The following SSX2IP variants were observed in gnomAD, a reference collection of about 807,000 sequenced individuals.
SSX2IP encodes afadin- and alpha-actinin-binding protein.
Under a neutral mutation model 84.9 loss-of-function variants are expected in SSX2IP, and 55 were observed. The observed-to-expected ratio is 0.65, with a 90% CI of 0.52 to 0.81. The LOEUF is 0.81. SSX2IP is among the 30% of genes least tolerant of loss of function. SSX2IP has a pLI of 0.00. For synonymous variants in SSX2IP, 239 were observed against 234.7 expected, an observed-to-expected ratio of 1.02 and a Z score of -0.17; for missense variants, 664 against 705.2, an observed-to-expected ratio of 0.94 and a Z score of 0.66.
chr1:84,671,017 A>G (rs536461609), intron 2 of SSX2IP, among the ~76,000 whole-genome samples, 160 bp downstream of exon 2: 16 of 152,308 alleles, frequency 1.1e-4, no homozygotes, highest in Admixed American at 9.8e-4. Context: ...AAAGATACAA[A>G]TACAGTGGTG....
intron 7 of SSX2IP, 24 bp from the exon 8 acceptor site, chr1:84,662,399 A>G: frequency 1.2e-6 from 2 of 1,608,356 alleles, no homozygotes; most frequent in Non-Finnish European, 1.7e-6. Flanking sequence ...TGTCAGTATG[A>G]AAATGCAGGA....
chr1:84,647,521 G>A lies in SSX2IP; in HGVS notation c.1757C>T (p.Ala586Val), dbSNP rs146411258. 44 of 1,612,950 alleles carry A rather than the reference G, an allele frequency of 2.7e-5. No individual in the cohort carries two copies. The African/African-American group carries it at 4.9e-4, about 18-fold the overall frequency. Reference sequence around the variant, plus strand: ...ACCTTCCTGTGATCCAGGTCTTGATGCCACACTCCATTTTTGATTTGTACA... The same window carrying A: ...ACCTTCCTGTGATCCAGGTCTTGATACCACACTCCATTTTTGATTTGTACA... ...GECTNQKWSV[A>V]SRPGSQEGCY... The change falls in exon 14 of 14, where the codon GCA becomes GTA. Residue 586 changes from alanine to valine, a missense_variant. Ala to Val is a moderately conservative substitution (Grantham distance 64). Transcript: ENST00000342203.
intron 10 of SSX2IP, 99 bp from the exon 11 acceptor site, chr1:84,656,104 G>A: frequency 8.7e-7 from 1 of 1,145,372 alleles, no homozygotes; most frequent in Non-Finnish European, 1.2e-6. Context: ...TTCAGGGCAG[G>A]AATAGAAATT....
At position 84,646,756 on chromosome 1, in the gene SSX2IP, T is replaced by C. The variant is rs756407708; in HGVS notation, c.*677A>G. The stretch of plus-strand genomic sequence containing the variant: ...ATCTAAAGAACTCAGCTTCATGGAA[T>C]ACCTTTCAATATTTATTGCCCAGAT... On this transcript the variant is annotated 3_prime_UTR_variant, in exon 14 of 14. Coordinates refer to ENST00000342203, the MANE Select transcript of SSX2IP (RefSeq NM_001166293.2). 2.0e-5 allele frequency: 3 copies of C among 152,592 alleles called. No individual in the cohort carries two copies. The highest frequency in any genetic ancestry group is 4.4e-5 in the Non-Finnish European group (3 of 67,994). 9.5% of individuals were successfully genotyped at this position (152,592 alleles called of 1,614,324 possible).
rs1231544651 is a variant in SSX2IP, at chr1:84,644,029, A to G, written c.*3404T>C. Reference sequence around the variant, plus strand: ...GAGCAATTTCATTATCCTTATCTGCATGGACCAAGTCTTTGGGAATGCTTT... The same window carrying G: ...GAGCAATTTCATTATCCTTATCTGCGTGGACCAAGTCTTTGGGAATGCTTT... On this transcript the variant is annotated 3_prime_UTR_variant, in exon 14 of 14. Transcript: ENST00000342203. The G allele has an allele frequency of 6.6e-6, 1 of 152,220 alleles. No homozygotes were observed. The highest frequency in any genetic ancestry group is 2.4e-5 in the African/African-American group (1 of 41,464). The allele number at this position is 152,220 out of a possible 1,614,324, so 9.4% of individuals were successfully genotyped here. A position where few individuals can be genotyped will look rare whatever the true frequency, so the allele number is the denominator to read the frequency against.
rs1365660445 is a variant in SSX2IP, at chr1:84,647,576, C to T, written c.1702G>A (p.Glu568Lys). 6.2e-7 allele frequency: 1 copy of T among 1,611,088 alleles called. No individual in the cohort carries two copies. Among genetic ancestry groups the T allele is most frequent in the Non-Finnish European group, 8.5e-7 (1 of 1,178,486 alleles). ...SINVLNITAE[E>K]IKPNQVGGEC... ...CCTCCAACCTGATTTGGTTTAATTTCTTCAGCAGTTATATTCAGTACATTG... is the reference window on the plus strand; with the variant it reads ...CCTCCAACCTGATTTGGTTTAATTTTTTCAGCAGTTATATTCAGTACATTG... Residue 568 changes from glutamate to lysine, a missense_variant, in exon 14 of 14, where the codon GAA becomes AAA. Transcript: ENST00000342203.
At chr1:84,663,018 G>A (rs1397578235) in intron 6 of SSX2IP, among the ~76,000 whole-genome samples, 1 of 152,090 alleles carries the variant, frequency 6.6e-6, no homozygotes, top group East Asian at 1.9e-4. Flanking sequence ...CAATGGCAGA[G>A]ATAAGTAGGT....
In SSX2IP at chr1:84,658,211, G is replaced by GTA; in HGVS notation, c.1078+105_1078+106dup. ...CTTGCTTTCAAACCACCAAACTGAA[G>GTA]TATAGTACTTTAGCTCTGAGCCTAT... On this transcript the variant is annotated intron_variant, in intron 9 of 13. Transcript: ENST00000342203. 7 of 1,217,120 alleles carry GTA rather than the reference G, an allele frequency of 5.8e-6. No homozygotes were observed. The South Asian group carries it at 1.1e-4, about 18-fold the overall frequency. The allele number at this position is 1,217,120 out of a possible 1,614,324, so 75.4% of individuals were successfully genotyped here.
chr1:84,678,344 G>A (rs1198140028), intron 1 of SSX2IP, among the ~76,000 whole-genome samples: 1 of 152,088 alleles, frequency 6.6e-6, no homozygotes, highest in African/African-American at 2.4e-5. Flanking sequence ...CAGCCTCTGT[G>A]CCTCCACCTG....
intron 3 of SSX2IP, 73 bp from the exon 4 acceptor site, chr1:84,669,966 G>C (rs576496716): frequency 9.4e-7 from 1 of 1,066,804 alleles, no homozygotes; most frequent in Admixed American, 2.2e-5. Flanking sequence ...CAAACTTTCA[G>C]TTAGATAGGA....
At chr1:84,658,523 T>A in intron 8 of SSX2IP, 55 bp from the exon 9 acceptor site, 2 of 1,548,562 alleles carry the variant, frequency 1.3e-6, no homozygotes, top group Admixed American at 4.0e-5. Flanking sequence ...TGGCTTTAGA[T>A]GCTCAGGCAA....
intron 6 of SSX2IP, among the ~76,000 whole-genome samples, chr1:84,663,575 A>G (rs1652343907): frequency 6.6e-6 from 1 of 152,212 alleles, no homozygotes. Context: ...TCTGCTGCAG[A>G]ATGACAGTGA....
intron 4 of SSX2IP, among the ~76,000 whole-genome samples, chr1:84,669,072 C>G (rs940179271): frequency 4.6e-5 from 7 of 151,620 alleles, no homozygotes; most frequent in Non-Finnish European, 8.8e-5. Context: ...AAAATGAAAA[C>G]ATAAAAGGAA....
intron 11 of SSX2IP, among the ~76,000 whole-genome samples, chr1:84,653,346 C>T (rs938464863): frequency 8.5e-5 from 13 of 152,168 alleles, no homozygotes; most frequent in African/African-American, 3.1e-4. Context: ...GCCACCACCA[C>T]TAAACCACAA....
At chr1:84,684,521 TG>T (rs1272340063) in intron 1 of SSX2IP, among the ~76,000 whole-genome samples, 5 of 152,032 alleles carry the variant, frequency 3.3e-5, no homozygotes, top group African/African-American at 4.8e-5. Context: ...CCTTAGAGGA[TG>T]GGGGGAAACT....
chr1:84,647,636 T>A (rs758846819), intron 13 of SSX2IP, 29 bp from the exon 14 acceptor site: 1 of 1,483,288 alleles, frequency 6.7e-7, no homozygotes, highest in Non-Finnish European at 9.0e-7. Context: ...CAGATCTTAG[T>A]GACTATCCTC....
intron 9 of SSX2IP, among the ~76,000 whole-genome samples, chr1:84,657,694 T>C (rs1651327739): frequency 6.6e-6 from 1 of 152,194 alleles, no homozygotes; most frequent in Non-Finnish European, 1.5e-5. Context: ...ACCCAATGTG[T>C]AGTCTTTTAT....
At chr1:84,655,648 G>T in intron 11 of SSX2IP, 184 bp downstream of exon 11, 1 of 1,511,852 alleles carries the variant, frequency 6.6e-7, no homozygotes, top group South Asian at 1.2e-5. Flanking sequence ...TCTCAAATCT[G>T]GTAAGGGGAA....
At chr1:84,651,846 A>G in intron 12 of SSX2IP, 37 bp downstream of exon 12, 1 of 1,219,620 alleles carries the variant, frequency 8.2e-7, no homozygotes, top group Non-Finnish European at 1.2e-6. Context: ...TTTTATTTAT[A>G]TGCATGTTCA....
Sources: allele counts gnomAD v4.1 joint callset (sites outside exome capture counted in the v4.1 genomes callset), GRCh38; gene constraint gnomAD v4.1.1; transcripts MANE v1.5; gene names NCBI Gene and HGNC (gene_info 2026-07-23, HGNC 2026-07-21).